The following NPHP3 variants were observed in gnomAD, a reference collection of about 807,000 sequenced individuals.
NPHP3 encodes nephrocystin 3.
Under a neutral mutation model 171.9 loss-of-function variants are expected in NPHP3, and 123 were observed. That is an observed-to-expected ratio of 0.72 (90% CI 0.62 to 0.83). The LOEUF (loss-of-function observed/expected upper bound fraction) is 0.83, where lower values mean the gene tolerates loss of function less well. Among genes scored for constraint, NPHP3 ranks in the 40% least tolerant of loss-of-function variants. The pLI, the probability that NPHP3 is intolerant of heterozygous loss-of-function variation, is 0.00. For synonymous variants in NPHP3, 558 were observed against 579.2 expected (o/e 0.96, Z 0.52); for missense variants, 1,506 against 1,591.9 (o/e 0.95, Z 0.92).
chr3:132,695,127 G>A (rs887713705), intron 15 of NPHP3, 162 bp from the exon 16 acceptor site: 11 of 632,716 alleles, frequency 1.7e-5, no homozygotes, highest in Non-Finnish European at 2.8e-5. Context: ...GGGGCTGCTA[G>A]AGTCATTGGG....
Position 132,696,759 on chromosome 3 carries a change from C to G in NPHP3, c.2143G>C (p.Val715Leu). 1 of 1,614,132 alleles carries G rather than the reference C, an allele frequency of 6.2e-7. No homozygotes were observed. Among genetic ancestry groups the G allele is most frequent in the Non-Finnish European group, 8.5e-7 (1 of 1,180,000 alleles). ...RSATTCNALY[V>L]TLFGKMIARA... Reference sequence around the variant, plus strand: ...GCGATCATTTTGCCGAAAAGGGTGACATAAAGGGCATTGCAGGTTGTAGCA... The same window carrying G: ...GCGATCATTTTGCCGAAAAGGGTGAGATAAAGGGCATTGCAGGTTGTAGCA... Residue 715 changes from valine (V) to leucine (L), a missense_variant, in exon 15 of 27, where the codon GTC becomes CTC. Val to Leu is a conservative substitution (Grantham distance 32). Around this residue, in one of 3 missense-constraint regions of NPHP3, gnomAD observed 930 missense variants for 924.9 expected, o/e 1.01. Coordinates refer to ENST00000337331, the MANE Select transcript of NPHP3 (RefSeq NM_153240.5).
rs1346584698 is a variant in NPHP3, at chr3:132,689,075, T to C, written c.2882A>G (p.Gln961Arg). The C allele has an allele frequency of 2.5e-6, 4 of 1,614,028 alleles. No individual in the cohort carries two copies. The highest frequency in any genetic ancestry group is 1.1e-5 in the South Asian group (1 of 91,090). Residue 961 changes from glutamine to arginine, a missense_variant and splice_region_variant, in exon 20 of 27, where the codon CAG (glutamine) becomes CGG (arginine). Gln to Arg is a conservative substitution (Grantham distance 43). Coordinates refer to ENST00000337331, the MANE Select transcript of NPHP3 (RefSeq NM_153240.5). ...TTGCCATTGATCTGCTGAGCTTACC[T>C]GACTGAGAAGGCCTAGATCCTTGAG... Reference protein sequence around the residue: ...RFLKDLGLLSQAIVPLQRSLE... With the variant: ...RFLKDLGLLSRAIVPLQRSLE...
intron 17 of NPHP3, among the ~76,000 whole-genome samples, chr3:132,692,160 G>A (rs1368421641): frequency 6.6e-6 from 1 of 152,166 alleles, no homozygotes; most frequent in East Asian, 1.9e-4. Flanking sequence ...TTTGTAGCCT[G>A]GGAGCAATAG....
chr3:132,717,118 G>A (rs914298195), intron 3 of NPHP3: 2 of 522,652 alleles, frequency 3.8e-6, no homozygotes, highest in South Asian at 2.6e-5. Context: ...AATTCAAAGA[G>A]AGGATTAAAA....
intron 7 of NPHP3, among the ~76,000 whole-genome samples, 180 bp from the exon 8 acceptor site, chr3:132,705,994 G>C (rs907421947): frequency 1.3e-5 from 2 of 152,128 alleles, no homozygotes; most frequent in Admixed American, 6.6e-5. Flanking sequence ...TTTTATAGAA[G>C]AGTAAACTGA....
chr3:132,719,849 TTATTTCCTAACAAAAA>T lies in NPHP3; in HGVS notation c.394-35_394-20del, dbSNP rs771153447. On this transcript the variant is annotated intron_variant, in intron 1 of 26. Coordinates refer to ENST00000337331, the MANE Select transcript of NPHP3 (RefSeq NM_153240.5). ...GAAGTGCCTAGAATAATTTACCTTG[TTATTTCCTAACAAAAA>T]TAGTCTTGCTCCTCAATTTTACATT... 78 of 1,545,786 alleles carry T rather than the reference TTATTTCCTAACAAAAA, an allele frequency of 5.0e-5. No individual in the cohort carries two copies. The highest frequency in any genetic ancestry group is 6.2e-5 in the Non-Finnish European group (71 of 1,138,098).
rs937139036 is a variant in NPHP3, at chr3:132,709,138, TA to T, written c.1119-882del. 1.3e-4 allele frequency among the ~76,000 whole-genome samples: 20 copies of T among 151,830 alleles called. No individual in the cohort carries two copies. The Middle Eastern group carries it at 0.014, about 103-fold the overall frequency. On this transcript the variant is annotated intron_variant, in intron 6 of 26. Transcript: ENST00000337331. ...AGAGGTTGGGTGACTGAGGTGAAGG[TA>T]AAAAAAATCCCAAAAAACAACTTTG...
At position 132,719,748 on chromosome 3, in the gene NPHP3, G is replaced by A. The variant is rs1284883728; in HGVS notation, c.476C>T (p.Ala159Val). Residue 159 changes from alanine (A) to valine (V), a missense_variant, in exon 2 of 27, where the codon GCA becomes GTA. Ala to Val is a moderately conservative substitution (Grantham distance 64). Around this residue, in one of 3 missense-constraint regions of NPHP3, gnomAD observed 930 missense variants for 924.9 expected, o/e 1.01. Transcript: ENST00000337331. ...EAKYQAMERAATFEHDRDKVK... is the reference protein window; with the variant it reads ...EAKYQAMERAVTFEHDRDKVK... ...TTTATCTCTGTCATGTTCAAATGTT[G>A]CTGCTCTCTCCATTGCTTGGTATTT... 6 of 1,583,304 alleles carry A rather than the reference G, an allele frequency of 3.8e-6. No individual in the cohort carries two copies. Among genetic ancestry groups the A allele is most frequent in the Non-Finnish European group, 5.2e-6 (6 of 1,161,794 alleles).
chr3:132,703,071 C>T (rs548079744), intron 9 of NPHP3, among the ~76,000 whole-genome samples: 3 of 152,278 alleles, frequency 2.0e-5, no homozygotes, highest in East Asian at 1.9e-4. Context: ...CATAAAATAA[C>T]GACTAACATT....
chr3:132,709,204 G>GA (rs1051299125), intron 6 of NPHP3, among the ~76,000 whole-genome samples: 1 of 142,648 alleles, frequency 7.0e-6, no homozygotes, highest in Non-Finnish European at 1.5e-5. Context: ...GAAAATTCTA[G>GA]AAAAAAAAGT....
At chr3:132,704,417 G>T (rs2107986077) in intron 8 of NPHP3, 46 bp from the exon 9 acceptor site, 1 of 1,611,360 alleles carries the variant, frequency 6.2e-7, no homozygotes. Context: ...AGAAAATAAA[G>T]ATCTTACAGC....
chr3:132,718,812 A>G (rs1940125009), intron 3 of NPHP3, among the ~76,000 whole-genome samples, 182 bp downstream of exon 3: 1 of 152,248 alleles, frequency 6.6e-6, no homozygotes, highest in South Asian at 2.1e-4. Flanking sequence ...AAATTCATAC[A>G]CTTCGTGGAG....
intron 24 of NPHP3, among the ~76,000 whole-genome samples, chr3:132,684,303 T>C (rs1172191644): frequency 6.6e-6 from 1 of 152,222 alleles, no homozygotes; most frequent in Non-Finnish European, 1.5e-5. Context: ...ACTTGGAATG[T>C]ATTTAACAAA....
chr3:132,688,777 T>C lies in NPHP3; in HGVS notation c.2998A>G (p.Lys1000Glu), dbSNP rs140005863. The C allele has an allele frequency of 3.1e-6, 5 of 1,614,014 alleles. No homozygotes were observed. In the Admixed American group the frequency reaches 8.3e-5, roughly 27 times the overall value. Residue 1000 changes from lysine to glutamate, a missense_variant, in exon 21 of 27, where the codon AAG becomes GAG. Physicochemically the swap from Lys to Glu is moderately conservative, Grantham distance 56. Transcript: ENST00000337331. ...TACAGTTGTTCTGCATTGCCAAACT[T>C]CTTCCACTGCACGTATACACTTGCT... ...QLASVYVQWK[K>E]FGNAEQLYKQ...
At chr3:132,685,941 C>T (rs1002304946) in intron 23 of NPHP3, 1 of 322,318 alleles carries the variant, frequency 3.1e-6, no homozygotes, top group Admixed American at 4.3e-5. Context: ...GTCCCAGTTA[C>T]TCAGGAGGCT....
At chr3:132,712,715 G>A (rs539341527) in intron 6 of NPHP3, among the ~76,000 whole-genome samples, 96 of 151,822 alleles carry the variant, frequency 6.3e-4, no homozygotes, top group African/African-American at 2.1e-3. Context: ...GCAGTGAGCC[G>A]AGATTGCGCC....
chr3:132,682,029 CTTT>C lies in NPHP3; in HGVS notation c.3871_3873del (p.Lys1291del). The C allele has an allele frequency of 6.2e-7, 1 of 1,613,998 alleles. No individual in the cohort carries two copies. The highest frequency in any genetic ancestry group is 8.5e-7 in the Non-Finnish European group (1 of 1,179,894). ...CCACCCAAGAGTGATGTTTCTGCTT[CTTT>C]TATTTCCATTGCCCTTTTGTATAAT... is the stretch of plus-strand genomic sequence containing the variant. On this transcript the variant is annotated inframe_deletion, in exon 27 of 27. Coordinates refer to ENST00000337331, the MANE Select transcript of NPHP3 (RefSeq NM_153240.5).
chr3:132,694,373 G>C (rs1204318369), intron 16 of NPHP3, among the ~76,000 whole-genome samples: 2 of 150,508 alleles, frequency 1.3e-5, no homozygotes, highest in Non-Finnish European at 2.9e-5. Context: ...GTGTGTGTGT[G>C]TGTGTTTACA....
At chr3:132,700,503 T>TA (rs1560008553) in intron 10 of NPHP3, 55 bp from the exon 11 acceptor site, 2 of 1,093,726 alleles carry the variant, frequency 1.8e-6, no homozygotes, top group African/African-American at 1.6e-5. Flanking sequence ...TGACTGTCAA[T>TA]AAAAAAAGAA....
Sources: allele counts gnomAD v4.1 joint callset (sites outside exome capture counted in the v4.1 genomes callset), GRCh38; gene constraint gnomAD v4.1.1; regional missense constraint gnomAD v4.1.1; transcripts MANE v1.5; gene names NCBI Gene and HGNC (gene_info 2026-07-23, HGNC 2026-07-21).